The following STK11 variants were observed in gnomAD, a reference collection of about 807,000 sequenced individuals.
The protein encoded by STK11 is serine/threonine-protein kinase STK11.
A neutral mutation model predicts 47.3 loss-of-function variants in STK11; 8 were observed. The observed-to-expected ratio is 0.17, with a 90% CI of 0.10 to 0.31. The LOEUF is 0.31. STK11 is among the 10% of genes least tolerant of loss of function. The pLI, the probability that STK11 is intolerant of heterozygous loss-of-function variation, is 1.00. For synonymous variants in STK11, 330 were observed against 255.8 expected (o/e 1.29, Z -2.77); for missense variants, 475 against 605.0 (o/e 0.79, Z 2.25).
At chr19:1,210,552 G>A (rs1441829589) in intron 1 of STK11, among the ~76,000 whole-genome samples, 1 of 152,198 alleles carries the variant, frequency 6.6e-6, no homozygotes, top group Non-Finnish European at 1.5e-5. Context: ...ATTAGAAATA[G>A]GAAAGTTCCA....
At chr19:1,224,575 C>T in intron 8 of STK11, 1 of 985,546 alleles carries the variant, frequency 1.0e-6, no homozygotes, top group Non-Finnish European at 1.2e-6. Flanking sequence ...GGGACGTGGA[C>T]CACACGCTGA....
At position 1,227,787 on chromosome 19, in the gene STK11, GCA is replaced by G. The variant is rs2080836803; in HGVS notation, c.*213_*214del. The G allele has an allele frequency of 1.9e-6, 2 of 1,074,392 alleles. No homozygotes were observed. Among genetic ancestry groups the G allele is most frequent in the African/African-American group, 3.3e-5 (2 of 61,128 alleles). 66.6% of individuals were successfully genotyped at this position (1,074,392 alleles called of 1,614,324 possible). A position where few individuals can be genotyped will look rare whatever the true frequency, so the allele number is the denominator to read the frequency against. ...CCTCCCCCCTCGGCCGCCCGGCAGT[GCA>G]CGCGGCTTGTTGACTTCGCAGCCCC... On this transcript the variant is annotated 3_prime_UTR_variant, in exon 10 of 10. Coordinates refer to ENST00000326873, the MANE Select transcript of STK11 (RefSeq NM_000455.5).
In STK11 at chr19:1,228,191, C is replaced by T. The variant is rs1205291506; in HGVS notation, c.*615C>T. ...GCCGCCTTTGCGCTCTCGGGTCACCCTGCTTTGGCGGCCCGGCCGGAGGGC... is the reference window on the plus strand; with the variant it reads ...GCCGCCTTTGCGCTCTCGGGTCACCTTGCTTTGGCGGCCCGGCCGGAGGGC... On this transcript the variant is annotated 3_prime_UTR_variant, in exon 10 of 10. Coordinates refer to ENST00000326873, the MANE Select transcript of STK11 (RefSeq NM_000455.5). The T allele has an allele frequency of 9.7e-7, 1 of 1,029,776 alleles. No homozygotes were observed. The highest frequency in any genetic ancestry group is 1.2e-6 in the Non-Finnish European group (1 of 846,992). The allele number at this position is 1,029,776 out of a possible 1,614,324, so 63.8% of individuals were successfully genotyped here. A position where few individuals can be genotyped will look rare whatever the true frequency, so the allele number is the denominator to read the frequency against.
At chr19:1,208,034 C>G (rs925568217) in intron 1 of STK11, among the ~76,000 whole-genome samples, 1 of 152,340 alleles carries the variant, frequency 6.6e-6, no homozygotes, top group East Asian at 1.9e-4. Flanking sequence ...CCTGCCGCCG[C>G]CTGGCGGGCC....
In STK11 at chr19:1,206,664, C is replaced by T; in HGVS notation, c.-250C>T. On this transcript the variant is annotated 5_prime_UTR_variant, in exon 1 of 10. Transcript: ENST00000326873. ...CCCACTGGAACTCGCGTCTGAGCCG[C>T]CGTCCCGGACCCCCGGTGCCCGCCG... 1 of 541,778 alleles carries T rather than the reference C, an allele frequency of 1.8e-6. No homozygotes were observed. Among genetic ancestry groups the T allele is most frequent in the Admixed American group, 3.5e-5 (1 of 28,362 alleles). 33.6% of individuals were successfully genotyped at this position (541,778 alleles called of 1,614,324 possible).
In STK11 at chr19:1,220,571, A is replaced by G. The variant is rs1423679676; in HGVS notation, c.598-10A>G. 6.3e-7 allele frequency: 1 copy of G among 1,574,832 alleles called. No individual in the cohort carries two copies. Among genetic ancestry groups the G allele is most frequent in the Non-Finnish European group, 8.6e-7 (1 of 1,158,486 alleles). ...GGGCACTCCCTGAGGGCTGCACGGC[A>G]CCGCCACAGGCACTGCACCCGTTCG... On this transcript the variant is annotated splice_polypyrimidine_tract_variant and intron_variant, in intron 4 of 9. Coordinates refer to ENST00000326873, the MANE Select transcript of STK11 (RefSeq NM_000455.5).
At chr19:1,210,631 A>G (rs1599918833) in intron 1 of STK11, among the ~76,000 whole-genome samples, 1 of 152,244 alleles carries the variant, frequency 6.6e-6, no homozygotes, top group Non-Finnish European at 1.5e-5. Flanking sequence ...GCACTTTGGG[A>G]GGCCAAGGCG....
Position 1,206,636 on chromosome 19 carries a change from G to A in STK11, c.-278G>A. ...GGCCGTCTCCCAGTTCTGAGGCCCG[G>A]GTCCCACTGGAACTCGCGTCTGAGC... On this transcript the variant is annotated 5_prime_UTR_variant, in exon 1 of 10. Coordinates refer to ENST00000326873, the MANE Select transcript of STK11 (RefSeq NM_000455.5). 2 of 515,058 alleles carry A rather than the reference G, an allele frequency of 3.9e-6. No individual in the cohort carries two copies. Among genetic ancestry groups the A allele is most frequent in the Non-Finnish European group, 3.4e-6 (1 of 290,940 alleles). 31.9% of individuals were successfully genotyped at this position (515,058 alleles called of 1,614,324 possible).
At chr19:1,226,957 C>G in intron 9 of STK11, 3 of 409,314 alleles carry the variant, frequency 7.3e-6, no homozygotes, top group South Asian at 3.5e-5. Flanking sequence ...GGACCCTGCC[C>G]TGGGCCTGGC....
intron 8 of STK11, chr19:1,226,096 G>A: frequency 9.1e-7 from 1 of 1,100,466 alleles, no homozygotes; most frequent in Non-Finnish European, 1.1e-6. Flanking sequence ...ACCAACCATG[G>A]GCCAGGGTGC....
At chr19:1,221,107 G>C (rs2145426272) in intron 5 of STK11, 106 bp from the exon 6 acceptor site, 5 of 1,506,126 alleles carry the variant, frequency 3.3e-6, no homozygotes, top group Non-Finnish European at 4.5e-6. Context: ...CAGGGCCTCT[G>C]GTCCAGCAGC....
At position 1,206,318 on chromosome 19, in the gene STK11, G is replaced by GC. The variant is rs1220386651; in HGVS notation, c.-590dup. 3.1e-5 allele frequency: 7 copies of GC among 226,738 alleles called. No individual in the cohort carries two copies. The highest frequency in any genetic ancestry group is 6.1e-5 in the East Asian group (1 of 16,276). 14.0% of individuals were successfully genotyped at this position (226,738 alleles called of 1,614,324 possible). ...CTCGCCCGGGCCGGCGGGAGTCGGC[G>GC]CCCCCCGGGAGGTCCGCTCGGTCGT... On this transcript the variant is annotated 5_prime_UTR_variant, in exon 1 of 10. It introduces an in-frame stop codon into an upstream open reading frame of the 5' UTR. Transcript: ENST00000326873.
rs1044825795 is a variant in STK11, at chr19:1,226,683, G to C, written c.*16+20G>C. Reference sequence around the variant, plus strand: ...CTGCAGGTGGGGCGCGGCGGGGCCCGGGTGGGGCATGTGGGGACAACGCCT... The same window carrying C: ...CTGCAGGTGGGGCGCGGCGGGGCCCCGGTGGGGCATGTGGGGACAACGCCT... On this transcript the variant is annotated intron_variant, in intron 9 of 9. Coordinates refer to ENST00000326873, the MANE Select transcript of STK11 (RefSeq NM_000455.5). The C allele has an allele frequency of 2.0e-6, 3 of 1,476,770 alleles. No homozygotes were observed. The highest frequency in any genetic ancestry group is 2.7e-6 in the Non-Finnish European group (3 of 1,119,522). 91.5% of individuals were successfully genotyped at this position (1,476,770 alleles called of 1,614,324 possible).
chr19:1,227,424 T>A (rs1391224416), intron 9 of STK11, 169 bp from the exon 10 acceptor site: 1 of 630,676 alleles, frequency 1.6e-6, no homozygotes, highest in Non-Finnish European at 2.1e-6. Flanking sequence ...GGCCACACAA[T>A]GTACCCCGGG....
chr19:1,213,844 A>G (rs2080727723), intron 1 of STK11, among the ~76,000 whole-genome samples: 3 of 151,932 alleles, frequency 2.0e-5, no homozygotes, highest in South Asian at 2.1e-4. Flanking sequence ...CTGGGTCTCC[A>G]TGTGCCTCCC....
At chr19:1,210,830 C>G (rs1002633128) in intron 1 of STK11, among the ~76,000 whole-genome samples, 2 of 150,362 alleles carry the variant, frequency 1.3e-5, no homozygotes, top group African/African-American at 4.9e-5. Context: ...CCATTGCACT[C>G]CAGCCTGGGT....
chr19:1,205,918 C>T lies in STK11; in HGVS notation c.-996C>T, dbSNP rs974032823. Reference sequence around the variant, plus strand: ...GGCCTTGGATGGGCTGGGCCCCCCTCGCCGCTCCGCCTCCTCCACACGCGC... The same window carrying T: ...GGCCTTGGATGGGCTGGGCCCCCCTTGCCGCTCCGCCTCCTCCACACGCGC... On this transcript the variant is annotated 5_prime_UTR_variant, in exon 1 of 10. Transcript: ENST00000326873. The T allele has an allele frequency of 5.8e-6, 1 of 173,552 alleles. No homozygotes were observed. Among genetic ancestry groups the T allele is most frequent in the Non-Finnish European group, 1.2e-5 (1 of 81,262 alleles). 10.8% of individuals were successfully genotyped at this position (173,552 alleles called of 1,614,324 possible). A position where few individuals can be genotyped will look rare whatever the true frequency, so the allele number is the denominator to read the frequency against.
intron 1 of STK11, among the ~76,000 whole-genome samples, chr19:1,208,240 G>C (rs538808488): frequency 7.2e-5 from 11 of 152,110 alleles, no homozygotes; most frequent in African/African-American, 2.6e-4. Context: ...CTGCTCAGGG[G>C]CCCTGGGGCT....
chr19:1,207,883 C>T (rs2080679339), intron 1 of STK11, among the ~76,000 whole-genome samples: 2 of 152,222 alleles, frequency 1.3e-5, no homozygotes, highest in African/African-American at 2.4e-5. Flanking sequence ...AGGCACGGGG[C>T]TGCCGCTGGG....
Sources: allele counts gnomAD v4.1 joint callset (sites outside exome capture counted in the v4.1 genomes callset), GRCh38; gene constraint gnomAD v4.1.1; transcripts MANE v1.5; gene names NCBI Gene and HGNC (gene_info 2026-07-23, HGNC 2026-07-21).